The following FBXO36 variants were observed in gnomAD, a reference collection of about 807,000 sequenced individuals.
The protein encoded by FBXO36 is F-box protein 36.
FBXO36 carries 18 observed loss-of-function variants against 17.0 expected under a neutral mutation model. The ratio of observed to expected loss-of-function variants is 1.06; its 90% confidence interval spans 0.73 to 1.57. FBXO36 has a LOEUF of 1.57. Among genes scored for constraint, FBXO36 ranks in the 40% most tolerant of loss-of-function variants. FBXO36 has a pLI of 0.00. For synonymous variants in FBXO36, 83 were observed against 85.3 expected (o/e 0.97, Z 0.15); for missense variants, 229 against 221.9 (o/e 1.03, Z -0.20).
At chr2:229,973,063 A>G (rs1235291746) in intron 1 of FBXO36, among the ~76,000 whole-genome samples, 2 of 151,042 alleles carry the variant, frequency 1.3e-5, no homozygotes, top group Non-Finnish European at 3.0e-5. Flanking sequence ...CTGTCTCAAA[A>G]AAAAAAAAAG....
chr2:229,922,874 C>T (rs1560419682), intron 1 of FBXO36, among the ~76,000 whole-genome samples: 2 of 152,204 alleles, frequency 1.3e-5, no homozygotes, highest in Admixed American at 6.5e-5. Flanking sequence ...GCCACCCCGG[C>T]TTCTTACCCG....
At chr2:229,956,057 T>C (rs573160623) in intron 1 of FBXO36, among the ~76,000 whole-genome samples, 5 of 152,378 alleles carry the variant, frequency 3.3e-5, no homozygotes, top group African/African-American at 1.2e-4. Flanking sequence ...CAAAGCACTC[T>C]GTACATGTCA....
chr2:229,944,157 C>G (rs1318422279), intron 1 of FBXO36, among the ~76,000 whole-genome samples: 1 of 152,134 alleles, frequency 6.6e-6, no homozygotes, highest in Non-Finnish European at 1.5e-5. Context: ...ATAAATTACC[C>G]AGGTTCAGGT....
At chr2:229,968,613 G>T (rs1171229932) in intron 1 of FBXO36, among the ~76,000 whole-genome samples, 1 of 152,156 alleles carries the variant, frequency 6.6e-6, no homozygotes, top group East Asian at 1.9e-4. Flanking sequence ...GACTACAGGC[G>T]TGTGCTACCA....
Position 230,011,635 on chromosome 2 carries a change from G to A in FBXO36, c.*751G>A, listed in dbSNP as rs1021624192. On this transcript the variant is annotated 3_prime_UTR_variant, in exon 4 of 4. Coordinates refer to ENST00000283946, the MANE Select transcript of FBXO36 (RefSeq NM_174899.5). ...TTTTTTGTATTTTCTTTTTAGTAGAGGTGGAGTTTCGCCATGTAGGCCAGG... is the reference window on the plus strand; with the variant it reads ...TTTTTTGTATTTTCTTTTTAGTAGAAGTGGAGTTTCGCCATGTAGGCCAGG... The A allele has an allele frequency of 3.0e-5, 4 of 133,040 alleles. No homozygotes were observed. The highest frequency in any genetic ancestry group is 6.2e-5 in the Non-Finnish European group (4 of 64,664). The allele number at this position is 133,040 out of a possible 1,614,324, so 8.2% of individuals were successfully genotyped here. A position where few individuals can be genotyped will look rare whatever the true frequency, so the allele number is the denominator to read the frequency against.
chr2:229,976,214 T>C (rs1163806846), intron 1 of FBXO36, 27 bp from the exon 2 acceptor site: 3 of 1,533,778 alleles, frequency 2.0e-6, no homozygotes, highest in Non-Finnish European at 2.7e-6. Flanking sequence ...TCAATTTTAA[T>C]TCATATCACT....
intron 3 of FBXO36, among the ~76,000 whole-genome samples, chr2:230,003,209 TAAAA>T (rs397872634): frequency 1.9e-5 from 2 of 104,600 alleles, no homozygotes; most frequent in Non-Finnish European, 3.8e-5. Context: ...GACTCCGTCT[TAAAA>T]AAAAAAAAAA....
At chr2:229,945,298 TTTTG>T (rs139999284) in intron 1 of FBXO36, among the ~76,000 whole-genome samples, 6,432 of 152,022 alleles carry the variant, frequency 0.042, 451 homozygotes, top group African/African-American at 0.15. Context: ...ATTTCTGTTT[TTTTG>T]TTTGTTTGTT....
chr2:230,010,191 G>A (rs1470280235), intron 3 of FBXO36, among the ~76,000 whole-genome samples: 1 of 152,102 alleles, frequency 6.6e-6, no homozygotes, highest in Non-Finnish European at 1.5e-5. Context: ...AACCCAGGAG[G>A]CAGAGATTGC....
chr2:229,944,067 G>A (rs1050039751), intron 1 of FBXO36, among the ~76,000 whole-genome samples: 6 of 152,232 alleles, frequency 3.9e-5, no homozygotes, highest in Middle Eastern at 3.4e-3. Flanking sequence ...CATCATGATT[G>A]TTAAGTTTCC....
chr2:230,002,612 G>A (rs929557774), intron 3 of FBXO36, among the ~76,000 whole-genome samples: 5 of 151,886 alleles, frequency 3.3e-5, no homozygotes, highest in Non-Finnish European at 7.4e-5. Context: ...TTGAATTTTG[G>A]GGCTGAAGCA....
intron 2 of FBXO36, among the ~76,000 whole-genome samples, chr2:229,984,789 T>G (rs535914545): frequency 5.3e-5 from 8 of 152,302 alleles, no homozygotes; most frequent in African/African-American, 1.9e-4. Flanking sequence ...TGTATGGTAT[T>G]CTGTGGGTAC....
chr2:229,971,635 C>A (rs1004968790), intron 1 of FBXO36, among the ~76,000 whole-genome samples: 3 of 152,054 alleles, frequency 2.0e-5, no homozygotes, highest in Non-Finnish European at 4.4e-5. Context: ...CTGTGGCAAA[C>A]AGCATCTGCC....
chr2:229,982,791 A>G (rs2077247585), intron 2 of FBXO36, among the ~76,000 whole-genome samples: 1 of 151,590 alleles, frequency 6.6e-6, no homozygotes, highest in African/African-American at 2.4e-5. Context: ...AAAAAAAAAA[A>G]AAAAAAAAGG....
intron 1 of FBXO36, among the ~76,000 whole-genome samples, chr2:229,964,457 T>G (rs1329568117): frequency 6.6e-6 from 1 of 152,262 alleles, no homozygotes; most frequent in Non-Finnish European, 1.5e-5. Context: ...ATTTTCTGTC[T>G]GGCTTCTTTC....
chr2:229,932,348 C>T (rs762428465), intron 1 of FBXO36, among the ~76,000 whole-genome samples: 68 of 152,004 alleles, frequency 4.5e-4, no homozygotes, highest in Non-Finnish European at 9.0e-4. Flanking sequence ...TGGAGAAACC[C>T]AGTCTCTACT....
At chr2:230,005,180 C>A (rs1486388623) in intron 3 of FBXO36, among the ~76,000 whole-genome samples, 1 of 152,126 alleles carries the variant, frequency 6.6e-6, no homozygotes, top group African/African-American at 2.4e-5. Flanking sequence ...CAGCTCACTG[C>A]AGCCTTCACC....
chr2:229,928,148 T>C (rs2076922218), intron 1 of FBXO36, among the ~76,000 whole-genome samples: 1 of 152,186 alleles, frequency 6.6e-6, no homozygotes, highest in South Asian at 2.1e-4. Flanking sequence ...GTAAAAACAT[T>C]TTTCCATGAG....
rs751292712 is a variant in FBXO36, at chr2:229,922,580, T to A, written c.67T>A (p.Tyr23Asn). ...VGQGPPPSKD[Y>N]YQLLVTRSQV... ...ACAAGGCCCGCCGCCTAGCAAAGAC[T>A]ATTACCAGTTACTGGTCACCCGGTC... The change falls in exon 1 of 4, where the codon TAT becomes AAT. Residue 23 changes from tyrosine to asparagine, a missense_variant. Physicochemically the swap from Tyr to Asn is moderately radical, Grantham distance 143. Coordinates refer to ENST00000283946, the MANE Select transcript of FBXO36 (RefSeq NM_174899.5). The A allele has an allele frequency of 6.2e-7, 1 of 1,614,062 alleles. No homozygotes were observed. The highest frequency in any genetic ancestry group is 8.5e-7 in the Non-Finnish European group (1 of 1,180,012).
Sources: gnomAD v4.1 joint callset for allele counts (sites outside exome capture counted in the v4.1 genomes callset) on GRCh38, gnomAD v4.1.1 for gene constraint, MANE v1.5 for transcripts, NCBI Gene and HGNC (gene_info 2026-07-23, HGNC 2026-07-21) for gene names.